The following GRM4 variants were observed in gnomAD, a reference collection of about 807,000 sequenced individuals.
GRM4 encodes the protein glutamate metabotropic receptor 4, also known as metabotropic glutamate receptor 4.
In GRM4, 28 loss-of-function variants were observed where a neutral mutation model predicts 81.7. The ratio of observed to expected loss-of-function variants is 0.34; its 90% CI spans 0.25 to 0.47. The LOEUF is 0.47. Ranked by LOEUF, GRM4 falls within the 20% of genes least tolerant of loss-of-function variation. GRM4 has a pLI of 1.00. For synonymous variants in GRM4, 488 were observed against 528.8 expected (o/e 0.92, Z 1.06); for missense variants, 948 against 1,290.0 (o/e 0.73, Z 4.06).
intron 1 of GRM4, among the ~76,000 whole-genome samples, chr6:34,153,692 C>A (rs553099809): frequency 1.3e-5 from 2 of 152,276 alleles, no homozygotes; most frequent in Admixed American, 6.5e-5. Context: ...TCAAGACCAG[C>A]CTGACCAACA....
chr6:34,084,306 A>G (rs924523739), intron 3 of GRM4, among the ~76,000 whole-genome samples: 1 of 152,172 alleles, frequency 6.6e-6, no homozygotes, highest in Non-Finnish European at 1.5e-5. Context: ...GAGGGAGGGC[A>G]GGGGGCACAG....
chr6:34,040,415 A>G, intron 7 of GRM4, 101 bp from the exon 8 acceptor site: 2 of 1,445,456 alleles, frequency 1.4e-6, no homozygotes, highest in Non-Finnish European at 1.9e-6. Flanking sequence ...TTCATGGAAC[A>G]TTCTGGGAGA....
intron 1 of GRM4, among the ~76,000 whole-genome samples, chr6:34,135,162 T>C (rs932261590): frequency 6.6e-6 from 1 of 152,116 alleles, no homozygotes; most frequent in Non-Finnish European, 1.5e-5. Flanking sequence ...GGTCCCTCCA[T>C]CAAGACCAAG....
Position 34,018,739 on chromosome 6 carries a change from A to G in GRM4, c.*4082T>C, listed in dbSNP as rs368315235. The G allele has an allele frequency of 2.6e-5, 4 of 152,010 alleles. No homozygotes were observed. Among genetic ancestry groups the G allele is most frequent in the South Asian group, 2.1e-4 (1 of 4,814 alleles). The allele number at this position is 152,010 out of a possible 1,614,324, so 9.4% of individuals were successfully genotyped here. On this transcript the variant is annotated 3_prime_UTR_variant, in exon 11 of 11. Coordinates refer to ENST00000538487, the MANE Select transcript of GRM4 (RefSeq NM_000841.4). ...ACCTAAAAATAAAGCAAGAAGCCTCATTACATGCTAATTGCTGCTTTTGCC... is the reference window on the plus strand; with the variant it reads ...ACCTAAAAATAAAGCAAGAAGCCTCGTTACATGCTAATTGCTGCTTTTGCC...
Position 34,119,706 on chromosome 6 carries a change from T to C in GRM4, c.519+13272A>G, listed in dbSNP as rs995381025. Among the ~76,000 whole-genome samples the C allele has an allele frequency of 8.5e-5, 13 of 152,276 alleles. No individual in the cohort carries two copies. The East Asian group carries it at 2.3e-3, about 27-fold the overall frequency. ...GGAGCCTAGATTGGAAACCACCTAA[T>C]GTCCATCATGAGGAGACCAGAAGCA... On this transcript the variant is annotated intron_variant, in intron 2 of 10. Transcript: ENST00000538487.
intron 2 of GRM4, among the ~76,000 whole-genome samples, chr6:34,131,981 A>ATG (rs1770256782): frequency 1.3e-5 from 2 of 152,146 alleles, no homozygotes; most frequent in South Asian, 4.2e-4. Context: ...ACATGCACAC[A>ATG]CACACACACA....
chr6:34,031,392 G>GAGGACAC (rs1157779562), intron 9 of GRM4, among the ~76,000 whole-genome samples: 2 of 152,214 alleles, frequency 1.3e-5, no homozygotes, highest in African/African-American at 4.8e-5. Context: ...CAGGAGGACA[G>GAGGACAC]AGGACACCTG....
rs1186255346 is a variant in GRM4 at position 34,044,763 on chromosome 6, C to T, written c.1169-4015G>A. On this transcript the variant is annotated intron_variant, in intron 6 of 10. Transcript: ENST00000538487. The stretch of plus-strand genomic sequence containing the variant: ...ACATACACATATATACACATACACA[C>T]ACATAGACATACACATACACACACA... Among the ~76,000 whole-genome samples the T allele has an allele frequency of 3.0e-5, 4 of 132,510 alleles. 1 individual carries two copies. The South Asian group carries it at 6.9e-4, about 23-fold the overall frequency. 86.9% of individuals were successfully genotyped at this position (132,510 alleles called of 152,430 possible). A position where few individuals can be genotyped will look rare whatever the true frequency, so the allele number is the denominator to read the frequency against.
At position 34,035,162 on chromosome 6, in the gene GRM4, G is replaced by C. The variant is rs372882008; in HGVS notation, c.2442+506C>G. ...GGGTTGAGTAGGGAGAGAGGTAAGA[G>C]AAAGGAGTCTAGAAAAGAATGAAGA... On this transcript the variant is annotated intron_variant, in intron 9 of 10. Coordinates refer to ENST00000538487, the MANE Select transcript of GRM4 (RefSeq NM_000841.4). The surrounding 1 kb of genome is among the most constrained non-coding windows in gnomAD (Gnocchi z 6.6). Among the ~76,000 whole-genome samples, 17 of 152,082 alleles carry C rather than the reference G, an allele frequency of 1.1e-4. No homozygotes were observed. Among genetic ancestry groups the C allele is most frequent in the African/African-American group, 4.1e-4 (17 of 41,462 alleles).
chr6:34,036,739 C>A lies in GRM4; in HGVS notation c.1507-136G>T, dbSNP rs578102535. On this transcript the variant is annotated intron_variant, in intron 8 of 10. Coordinates refer to ENST00000538487, the MANE Select transcript of GRM4 (RefSeq NM_000841.4). This position sits in a 1 kb window ranked among gnomAD's most constrained non-coding sequence, Gnocchi z 9.0. ...TTGGCTAAAAGTCCAGCTGCCCGGA[C>A]CCCACAGGGACTTACTGAATCTAAC... 2.5e-5 allele frequency: 15 copies of A among 595,528 alleles called. No individual in the cohort carries two copies. In the South Asian group the frequency reaches 2.8e-4, roughly 11 times the overall value. 36.9% of individuals were successfully genotyped at this position (595,528 alleles called of 1,614,324 possible).
chr6:34,028,031 G>A (rs1300438938), intron 10 of GRM4, 89 bp downstream of exon 10: 11 of 1,380,860 alleles, frequency 8.0e-6, no homozygotes, highest in Non-Finnish European at 1.1e-5. Context: ...GGGGCAGGGC[G>A]GGGTGGGGAG....
Position 34,130,277 on chromosome 6 carries a change from G to A in GRM4, c.519+2701C>T, listed in dbSNP as rs576719953. On this transcript the variant is annotated intron_variant, in intron 2 of 10. Coordinates refer to ENST00000538487, the MANE Select transcript of GRM4 (RefSeq NM_000841.4). The surrounding 1 kb of genome is among the most constrained non-coding windows in gnomAD (Gnocchi z 4.1). ...GACCCAGGGAATGCAGGCCACAGCCGGCTGGTTTTCTCCCCGCTGTCCCTC... is the reference window on the plus strand; with the variant it reads ...GACCCAGGGAATGCAGGCCACAGCCAGCTGGTTTTCTCCCCGCTGTCCCTC... 6.6e-6 allele frequency among the ~76,000 whole-genome samples: 1 copy of A among 152,296 alleles called. No homozygotes were observed. The highest frequency in any genetic ancestry group is 2.1e-4 in the South Asian group (1 of 4,820).
At position 34,042,380 on chromosome 6, in the gene GRM4, C is replaced by G. The variant is rs893447805; in HGVS notation, c.1169-1632G>C. Reference sequence around the variant, plus strand: ...ACCCTGAGCACCACACTCTGCCACACAGGGATGCAGGTGGGCAGGAATGTG... The same window carrying G: ...ACCCTGAGCACCACACTCTGCCACAGAGGGATGCAGGTGGGCAGGAATGTG... On this transcript the variant is annotated intron_variant, in intron 6 of 10. Coordinates refer to ENST00000538487, the MANE Select transcript of GRM4 (RefSeq NM_000841.4). The surrounding 1 kb of genome is among the most constrained non-coding windows in gnomAD (Gnocchi z 4.2). 6.6e-6 allele frequency among the ~76,000 whole-genome samples: 1 copy of G among 152,232 alleles called. No homozygotes were observed. The highest frequency in any genetic ancestry group is 1.5e-5 in the Non-Finnish European group (1 of 68,036).
chr6:34,094,856 A>G (rs1350018955), intron 2 of GRM4, among the ~76,000 whole-genome samples: 1 of 152,182 alleles, frequency 6.6e-6, no homozygotes, highest in African/African-American at 2.4e-5. Flanking sequence ...GGCCCCCCCA[A>G]GATGAAGTGG....
intron 2 of GRM4, among the ~76,000 whole-genome samples, chr6:34,099,440 C>T (rs982342710): frequency 2.6e-5 from 4 of 151,786 alleles, no homozygotes; most frequent in Non-Finnish European, 5.9e-5. Flanking sequence ...GGGAGGTGGG[C>T]GGCAGGCACT....
intron 2 of GRM4, among the ~76,000 whole-genome samples, chr6:34,120,424 G>A (rs1474606319): frequency 6.6e-6 from 1 of 152,102 alleles, no homozygotes; most frequent in East Asian, 1.9e-4. Context: ...CCCCCTGTTG[G>A]GTTTGTTGTA....
intron 3 of GRM4, chr6:34,062,876 G>A (rs536772971): frequency 1.3e-5 from 2 of 152,232 alleles, no homozygotes; most frequent in East Asian, 3.9e-4. Flanking sequence ...TCGTGGTACA[G>A]AGCATCTGTG....
Position 34,028,508 on chromosome 6 carries a change from A to G in GRM4, c.2443-142T>C, listed in dbSNP as rs1764253206. ...TCGTGGCTTGGAGCTGGGACTGCAGACCAGGGTTTCTGCATTCAAATCTTG... is the reference window on the plus strand; with the variant it reads ...TCGTGGCTTGGAGCTGGGACTGCAGGCCAGGGTTTCTGCATTCAAATCTTG... On this transcript the variant is annotated intron_variant, in intron 9 of 10. Coordinates refer to ENST00000538487, the MANE Select transcript of GRM4 (RefSeq NM_000841.4). 3 of 825,910 alleles carry G rather than the reference A, an allele frequency of 3.6e-6. No homozygotes were observed. In the East Asian group the frequency reaches 7.7e-5, roughly 21 times the overall value. The allele number at this position is 825,910 out of a possible 1,614,324, so 51.2% of individuals were successfully genotyped here. A position where few individuals can be genotyped will look rare whatever the true frequency, so the allele number is the denominator to read the frequency against.
At chr6:34,072,179 G>C (rs796066062) in intron 3 of GRM4, among the ~76,000 whole-genome samples, 2 of 13,090 alleles carry the variant, frequency 1.5e-4, no homozygotes, top group African/African-American at 2.3e-4. Flanking sequence ...TCACCACACA[G>C]ATACACACCA....
Sources: allele counts gnomAD v4.1 joint callset (sites outside exome capture counted in the v4.1 genomes callset), GRCh38; gene constraint gnomAD v4.1.1; non-coding constraint Gnocchi (gnomAD v3.1); transcripts MANE v1.5; gene names NCBI Gene and HGNC (gene_info 2026-07-23, HGNC 2026-07-21).